IST1: variants seen among roughly 807,000 people sequenced by gnomAD.
IST1 encodes the protein IST1 factor associated with ESCRT-III, also known as IST1 homolog.
A neutral mutation model predicts 37.0 loss-of-function variants in IST1; 23 were observed. The observed-to-expected ratio is 0.62, with a 90% confidence interval of 0.45 to 0.88. The LOEUF is 0.88. Ranked by LOEUF, IST1 falls within the 40% of genes least tolerant of loss-of-function variation. The pLI, the probability that IST1 is intolerant of heterozygous loss-of-function variation, is 0.00. For missense variants in IST1, 488 were observed against 445.4 expected, an observed-to-expected ratio of 1.10 and a Z score of -0.86; for synonymous variants, 180 against 161.7, an observed-to-expected ratio of 1.11 and a Z score of -0.86.
intron 1 of IST1, among the ~76,000 whole-genome samples, chr16:71,902,595 A>G (rs529003811): frequency 6.6e-6 from 1 of 152,290 alleles, no homozygotes; most frequent in South Asian, 2.1e-4. Context: ...TAATAGATCT[A>G]GTGCAGCTAT....
chr16:71,895,578 G>C lies in IST1; in HGVS notation c.-27G>C, dbSNP rs1456372196. The C allele has an allele frequency of 1.0e-6, 1 of 985,220 alleles. No homozygotes were observed. Among genetic ancestry groups the C allele is most frequent in the East Asian group, 1.1e-4 (1 of 8,832 alleles). The allele number at this position is 985,220 out of a possible 1,614,324, so 61.0% of individuals were successfully genotyped here. On this transcript the variant is annotated 5_prime_UTR_variant, in exon 1 of 10. Coordinates refer to ENST00000378799, the MANE Select transcript of IST1 (RefSeq NM_001270975.2). ...GTCGGTGTCTGCTGCGTTCACGGCA[G>C]GATTCGGTTAGGTGAGTGTGGCATC...
chr16:71,922,678 CCAGT>C lies in IST1; in HGVS notation c.758_759+2del. On this transcript the variant is annotated splice_donor_variant and coding_sequence_variant, in exon 7 of 10. Transcript: ENST00000378799. LOFTEE classifies it high-confidence loss of function. ...TTTCTCATATCCACTGCCAAAGGGA[CCAGT>C]AAGTATATATAAGTGTGGATGTAAG... The C allele has an allele frequency of 6.9e-7, 1 of 1,452,986 alleles. No individual in the cohort carries two copies. The highest frequency in any genetic ancestry group is 9.4e-7 in the Non-Finnish European group (1 of 1,067,250). The allele number at this position is 1,452,986 out of a possible 1,614,324, so 90.0% of individuals were successfully genotyped here.
At chr16:71,926,690 A>T (rs1438682786) in intron 9 of IST1, among the ~76,000 whole-genome samples, 1 of 152,128 alleles carries the variant, frequency 6.6e-6, no homozygotes, top group Non-Finnish European at 1.5e-5. Context: ...CCACTCTCTG[A>T]TCAAGGTATA....
At position 71,900,327 on chromosome 16, in the gene IST1, CTTTTTTT is replaced by C. The variant is rs201344260; in HGVS notation, c.-16+4755_-16+4761del. The stretch of plus-strand genomic sequence containing the variant: ...CACTGAGTTTACTCCCTTAGGAAGT[CTTTTTTT>C]TTTTTTTTTTTTTTTTGGCTACTTT... On this transcript the variant is annotated intron_variant, in intron 1 of 9. Coordinates refer to ENST00000378799, the MANE Select transcript of IST1 (RefSeq NM_001270975.2). 1.6e-3 allele frequency among the ~76,000 whole-genome samples: 160 copies of C among 100,508 alleles called. 1 individual carries two copies. The East Asian group carries it at 0.036, about 23-fold the overall frequency. 65.9% of individuals were successfully genotyped at this position (100,508 alleles called of 152,430 possible).
intron 9 of IST1, 97 bp downstream of exon 9, chr16:71,924,914 T>C (rs2037702124): frequency 5.9e-6 from 5 of 842,526 alleles, no homozygotes; most frequent in South Asian, 4.3e-5. Flanking sequence ...TCCATGTCCA[T>C]GGACTTCTAT....
intron 1 of IST1, among the ~76,000 whole-genome samples, chr16:71,895,892 G>A (rs972281650): frequency 2.0e-5 from 3 of 152,346 alleles, no homozygotes; most frequent in East Asian, 1.9e-4. Context: ...CTGCCCCGAG[G>A]TGTGTCTTCC....
At chr16:71,909,429 C>G (rs1316640701) in intron 1 of IST1, among the ~76,000 whole-genome samples, 1 of 152,140 alleles carries the variant, frequency 6.6e-6, no homozygotes, top group Admixed American at 6.5e-5. Flanking sequence ...GAAATGAACA[C>G]TTAGCATTCT....
intron 2 of IST1, 68 bp from the exon 3 acceptor site, chr16:71,916,394 G>C (rs993446767): frequency 6.7e-7 from 1 of 1,484,304 alleles, no homozygotes; most frequent in Non-Finnish European, 9.3e-7. Flanking sequence ...CTGTTGGGGG[G>C]AGATTGGCCT....
In IST1 at chr16:71,923,272, C is replaced by G. The variant is rs1387280431; in HGVS notation, c.760-16C>G. On this transcript the variant is annotated splice_polypyrimidine_tract_variant and intron_variant, in intron 7 of 9. Transcript: ENST00000378799. ...CTGGAGGCAGTGTCTCTGATGTTGC[C>G]TTTCTCCTCTTACAGTCAGATTTCA... is the stretch of plus-strand genomic sequence containing the variant. 3 of 1,557,914 alleles carry G rather than the reference C, an allele frequency of 1.9e-6. No homozygotes were observed. The East Asian group carries it at 6.8e-5, about 35-fold the overall frequency.
At position 71,930,251 on chromosome 16, in the gene IST1, A is replaced by ATGCT; in HGVS notation, c.*2439_*2442dup. Reference sequence around the variant, plus strand: ...TTTATACTTTACAAACATAAGCTATATGCTAGTGTTTGGGATCTTATCAGA... The same window carrying ATGCT: ...TTTATACTTTACAAACATAAGCTATATGCTTGCTAGTGTTTGGGATCTTATCAGA... On this transcript the variant is annotated 3_prime_UTR_variant, in exon 10 of 10. Coordinates refer to ENST00000378799, the MANE Select transcript of IST1 (RefSeq NM_001270975.2). 7.1e-7 allele frequency: 1 copy of ATGCT among 1,407,132 alleles called. No homozygotes were observed. The highest frequency in any genetic ancestry group is 1.6e-5 in the South Asian group (1 of 61,412). The allele number at this position is 1,407,132 out of a possible 1,614,324, so 87.2% of individuals were successfully genotyped here. A position where few individuals can be genotyped will look rare whatever the true frequency, so the allele number is the denominator to read the frequency against.
In IST1 at chr16:71,908,752, C is replaced by G. The variant is rs550237876; in HGVS notation, c.-15-6874C>G. Among the ~76,000 whole-genome samples, 3 of 152,308 alleles carry G rather than the reference C, an allele frequency of 2.0e-5. No homozygotes were observed. The East Asian group carries it at 5.8e-4, about 29-fold the overall frequency. On this transcript the variant is annotated intron_variant, in intron 1 of 9. Transcript: ENST00000378799. ...CCAGGACTAGAGAGCTCTTGATGCT[C>G]TTTCTCTCTGCTGATGCTCATTTCC...
At chr16:71,909,838 A>T (rs889962720) in intron 1 of IST1, among the ~76,000 whole-genome samples, 1 of 152,232 alleles carries the variant, frequency 6.6e-6, no homozygotes, top group East Asian at 1.9e-4. Flanking sequence ...GTTGTCTACT[A>T]AGGGCAAGAT....
chr16:71,908,969 C>T lies in IST1; in HGVS notation c.-15-6657C>T, dbSNP rs192784076. Among the ~76,000 whole-genome samples the T allele has an allele frequency of 6.0e-3, 909 of 152,234 alleles. 3 individuals carry two copies. The highest frequency in any genetic ancestry group is 8.5e-3 in the Non-Finnish European group (577 of 68,002). ...TTCATTCAGTGAAAGAGACACTGAA[C>T]CTAGAACCCTGTTCCTTACATCTTT... On this transcript the variant is annotated intron_variant, in intron 1 of 9. Transcript: ENST00000378799.
intron 4 of IST1, 111 bp from the exon 5 acceptor site, chr16:71,920,628 C>A (rs536045039): frequency 1.7e-5 from 12 of 704,596 alleles, no homozygotes; most frequent in Non-Finnish European, 2.3e-5. Context: ...TTGCAGACTC[C>A]AGTGTTTTGG....
chr16:71,930,704 A>G lies in IST1; in HGVS notation c.*2891A>G, dbSNP rs1396987414. On this transcript the variant is annotated 3_prime_UTR_variant, in exon 10 of 10. Transcript: ENST00000378799. ...AAAGGTACAAGCATTGAGTTCTGCC[A>G]TTCTTTACTTTTCTGCATACATAAA... 6.6e-6 allele frequency: 1 copy of G among 152,040 alleles called. No individual in the cohort carries two copies. Among genetic ancestry groups the G allele is most frequent in the African/African-American group, 2.4e-5 (1 of 41,378 alleles). 9.4% of individuals were successfully genotyped at this position (152,040 alleles called of 1,614,324 possible).
rs1166261208 is a variant in IST1 at position 71,927,675 on chromosome 16, C to T, written c.963C>T (p.Asp321=). 3 of 1,613,862 alleles carry T rather than the reference C, an allele frequency of 1.9e-6. No homozygotes were observed. Among genetic ancestry groups the T allele is most frequent in the African/African-American group, 2.7e-5 (2 of 74,924 alleles). ...CTTCCAGACCTGCAGATAACTATGA[C>T]AACTTTGTCCTACCAGAGTTGCCAT... ...KLPSRPADNY[D]NFVLPELPSV... Residue 321 remains aspartate (D), a synonymous_variant, in exon 10 of 10, where the codon GAC becomes GAT. Transcript: ENST00000378799.
intron 4 of IST1, among the ~76,000 whole-genome samples, chr16:71,917,412 A>G (rs2037488654): frequency 6.6e-6 from 1 of 152,240 alleles, no homozygotes; most frequent in African/African-American, 2.4e-5. Context: ...AAGTTCTTAT[A>G]CAACTGTAAA....
intron 1 of IST1, among the ~76,000 whole-genome samples, chr16:71,909,670 G>T (rs1419418037): frequency 1.3e-5 from 2 of 152,178 alleles, no homozygotes; most frequent in Admixed American, 6.5e-5. Flanking sequence ...ATTTTTGCCA[G>T]TCTGGCAGGT....
upstream of IST1, chr16:71,894,577 G>A: frequency 2.5e-6 from 1 of 397,276 alleles, no homozygotes; most frequent in South Asian, 3.2e-5. Context: ...CTAGGCTGGA[G>A]TGCTGTGACG....
Sources: gnomAD v4.1 joint callset for allele counts (sites outside exome capture counted in the v4.1 genomes callset) on GRCh38, gnomAD v4.1.1 for gene constraint, MANE v1.5 for transcripts, NCBI Gene and HGNC (gene_info 2026-07-23, HGNC 2026-07-21) for gene names.